Variants in MACROD2 observed in about 807,000 individuals in gnomAD.
MACROD2 encodes ADP-ribose glycohydrolase MACROD2.
Under a neutral mutation model 70.4 loss-of-function variants are expected in MACROD2, and 36 were observed. The ratio of observed to expected loss-of-function variants is 0.51; its 90% CI spans 0.39 to 0.68. The LOEUF is 0.68. Ranked by LOEUF, MACROD2 falls within the 30% of genes least tolerant of loss-of-function variation. The pLI is 0.00. For synonymous variants in MACROD2, 172 were observed against 178.8 expected (o/e 0.96, Z 0.30); for missense variants, 496 against 538.4 (o/e 0.92, Z 0.78).
At chr20:15,653,385 A>G (rs1026016680) in intron 8 of MACROD2, among the ~76,000 whole-genome samples, 4 of 152,234 alleles carry the variant, frequency 2.6e-5, no homozygotes, top group Admixed American at 1.3e-4. Flanking sequence ...TGCCATGTCA[A>G]CAAGTATGGG....
At chr20:14,981,432 G>GTATATATATATATA (rs747438726) in intron 5 of MACROD2, among the ~76,000 whole-genome samples, 7 of 141,466 alleles carry the variant, frequency 4.9e-5, no homozygotes, top group Middle Eastern at 3.6e-3. Flanking sequence ...ATATGTATAT[G>GTATATATATATATA]TATATATATA....
chr20:15,841,571 G>A (rs566273469), intron 8 of MACROD2, among the ~76,000 whole-genome samples: 4 of 152,202 alleles, frequency 2.6e-5, no homozygotes, highest in East Asian at 3.9e-4. Flanking sequence ...ACCAGAGCTC[G>A]TAAGAACTCA....
chr20:15,236,299 C>T (rs761188143), intron 6 of MACROD2, among the ~76,000 whole-genome samples: 7 of 152,036 alleles, frequency 4.6e-5, no homozygotes, highest in Non-Finnish European at 8.8e-5. Context: ...GCAGCAGAGT[C>T]GAGGAGGAGG....
At chr20:14,069,391 A>G (rs988924327) in intron 2 of MACROD2, among the ~76,000 whole-genome samples, 7 of 152,134 alleles carry the variant, frequency 4.6e-5, no homozygotes, top group African/African-American at 1.4e-4. Context: ...ATGTGAGCAG[A>G]GGCAACATCC....
At chr20:15,553,739 A>G (rs973967151) in intron 8 of MACROD2, among the ~76,000 whole-genome samples, 4 of 152,156 alleles carry the variant, frequency 2.6e-5, no homozygotes, top group African/African-American at 9.7e-5. Flanking sequence ...CACCTTGGGT[A>G]TTTTGGAAGT....
intron 8 of MACROD2, among the ~76,000 whole-genome samples, chr20:15,531,457 T>C (rs1165987499): frequency 2.6e-5 from 4 of 152,116 alleles, no homozygotes; most frequent in Non-Finnish European, 5.9e-5. Context: ...CTGTGTCACC[T>C]CTAAGATTTA....
intron 8 of MACROD2, among the ~76,000 whole-genome samples, chr20:15,515,186 A>G (rs999991042): frequency 6.6e-6 from 1 of 152,212 alleles, no homozygotes; most frequent in African/African-American, 2.4e-5. Flanking sequence ...TGCTCTTATA[A>G]GCTCCTAAGG....
intron 6 of MACROD2, among the ~76,000 whole-genome samples, chr20:15,362,946 G>A (rs1470860773): frequency 6.6e-6 from 1 of 151,550 alleles, no homozygotes; most frequent in African/African-American, 2.4e-5. Context: ...GAGGGGAAAG[G>A]GGAGGGGAGG....
At chr20:14,302,229 C>T (rs1179109403) in intron 3 of MACROD2, among the ~76,000 whole-genome samples, 1 of 152,168 alleles carries the variant, frequency 6.6e-6, no homozygotes, top group Non-Finnish European at 1.5e-5. Flanking sequence ...AGATTATTGG[C>T]AGAATTGAGT....
chr20:15,348,506 G>C (rs772707005), intron 6 of MACROD2, among the ~76,000 whole-genome samples: 1 of 152,176 alleles, frequency 6.6e-6, no homozygotes, highest in Non-Finnish European at 1.5e-5. Flanking sequence ...TAAAGAATAT[G>C]AGTGTGTATA....
Position 14,308,555 on chromosome 20 carries a change from T to C in MACROD2, c.272-184924T>C, listed in dbSNP as rs548286924. Among the ~76,000 whole-genome samples the C allele has an allele frequency of 1.5e-3, 236 of 152,270 alleles. 1 individual carries two copies. The highest frequency in any genetic ancestry group is 5.6e-3 in the African/African-American group (233 of 41,570). ...AGGCAAACTGGACTTATTATTAGCA[T>C]GGTACTTAAGAAAATTTGAAAACAG... is the stretch of plus-strand genomic sequence containing the variant. On this transcript the variant is annotated intron_variant, in intron 3 of 17. Coordinates refer to ENST00000684519, the MANE Select transcript of MACROD2 (RefSeq NM_001351661.2).
intron 6 of MACROD2, among the ~76,000 whole-genome samples, chr20:15,406,181 C>T (rs1034037254): frequency 6.6e-6 from 1 of 152,196 alleles, no homozygotes; most frequent in African/African-American, 2.4e-5. Flanking sequence ...TAGTTTGATG[C>T]CGTTGTCATT....
intron 4 of MACROD2, among the ~76,000 whole-genome samples, chr20:14,566,357 T>C (rs2123306443): frequency 6.6e-6 from 1 of 151,660 alleles, no homozygotes; most frequent in South Asian, 2.1e-4. Flanking sequence ...AGCCCAGGAG[T>C]TCTAGGCTTC....
chr20:15,520,752 G>A (rs995373103), intron 8 of MACROD2, among the ~76,000 whole-genome samples: 1 of 152,204 alleles, frequency 6.6e-6, no homozygotes, highest in Non-Finnish European at 1.5e-5. Flanking sequence ...CTACACACAT[G>A]TATGAAACAG....
intron 8 of MACROD2, among the ~76,000 whole-genome samples, chr20:15,666,710 C>T (rs1253971799): frequency 6.6e-6 from 1 of 152,132 alleles, no homozygotes; most frequent in Non-Finnish European, 1.5e-5. Context: ...GGCATATTAA[C>T]TGTAAATTAG....
intron 3 of MACROD2, among the ~76,000 whole-genome samples, chr20:14,143,533 C>T (rs2054904091): frequency 6.6e-6 from 1 of 151,770 alleles, no homozygotes; most frequent in Non-Finnish European, 1.5e-5. Flanking sequence ...GTGTGGAATT[C>T]CTGTTTGATG....
At chr20:14,795,138 A>C (rs1225169475) in intron 5 of MACROD2, among the ~76,000 whole-genome samples, 1 of 152,092 alleles carries the variant, frequency 6.6e-6, no homozygotes. Flanking sequence ...GAGGGGCCAG[A>C]CCGTGAAGGA....
intron 10 of MACROD2, among the ~76,000 whole-genome samples, chr20:15,896,756 T>A (rs573055694): frequency 5.3e-5 from 8 of 152,318 alleles, no homozygotes; most frequent in African/African-American, 1.7e-4. Context: ...TGCTGTGTAC[T>A]TTTGAATATA....
At chr20:14,217,965 G>A (rs1378732684) in intron 3 of MACROD2, among the ~76,000 whole-genome samples, 1 of 152,018 alleles carries the variant, frequency 6.6e-6, no homozygotes, top group Non-Finnish European at 1.5e-5. Context: ...AGTTCCACGC[G>A]CTGTTGAATA....
Sources: gnomAD v4.1 joint callset for allele counts (sites outside exome capture counted in the v4.1 genomes callset) on GRCh38, gnomAD v4.1.1 for gene constraint, MANE v1.5 for transcripts, NCBI Gene and HGNC (gene_info 2026-07-23, HGNC 2026-07-21) for gene names.